ADRA1B: variants seen among roughly 807,000 people sequenced by gnomAD.
ADRA1B encodes alpha-1B adrenergic receptor.
A neutral mutation model predicts 17.9 loss-of-function variants in ADRA1B; 17 were observed. The observed-to-expected ratio is 0.95, with a 90% confidence interval of 0.65 to 1.42. The LOEUF is 1.42. ADRA1B is among the 40% of genes most tolerant of loss of function. The pLI, the probability that ADRA1B is intolerant of heterozygous loss-of-function variation, is 0.00. For synonymous variants in ADRA1B, 366 were observed against 327.6 expected (o/e 1.12, Z -1.27); for missense variants, 681 against 722.1 (o/e 0.94, Z 0.65).
intron 1 of ADRA1B, among the ~76,000 whole-genome samples, chr5:159,949,791 T>C (rs1755375029): frequency 6.6e-6 from 1 of 152,184 alleles, no homozygotes; most frequent in Non-Finnish European, 1.5e-5. Context: ...CTGCCTCCAT[T>C]TGTGCACTTC....
rs187330559 is a variant in ADRA1B at position 159,877,446 on chromosome 5, C to T, written c.-256+12240C>T. ...TTGGGTGCAACAGCACATCAGTTGG[C>T]AAATGTCAAAAACCGAGAAAATAAT... is the stretch of plus-strand genomic sequence containing the variant. On this transcript the variant is annotated intron_variant, in intron 1 of 2. Coordinates refer to the ADRA1B transcript ENST00000641205. Among the ~76,000 whole-genome samples, 492 of 152,264 alleles carry T rather than the reference C, an allele frequency of 3.2e-3. 2 individuals are homozygous for T. Among genetic ancestry groups the T allele is most frequent in the African/African-American group, 0.011 (466 of 41,552 alleles).
chr5:159,886,658 G>A (rs1416265375), intron 1 of ADRA1B, among the ~76,000 whole-genome samples: 1 of 152,200 alleles, frequency 6.6e-6, no homozygotes, highest in Non-Finnish European at 1.5e-5. Flanking sequence ...CCATGAGCAA[G>A]GGGACATATT....
intron 1 of ADRA1B, among the ~76,000 whole-genome samples, chr5:159,904,303 A>C (rs1754135322): frequency 1.3e-5 from 2 of 152,228 alleles, no homozygotes; most frequent in African/African-American, 4.8e-5. Context: ...GGAAAGGGCT[A>C]CACAACTTCT....
At chr5:159,915,412 G>T (rs1252193718), upstream of ADRA1B, among the ~76,000 whole-genome samples, 1 of 152,152 alleles carries the variant, frequency 6.6e-6, no homozygotes, top group Non-Finnish European at 1.5e-5. Context: ...ATAAATGTTG[G>T]ATAAATGTGA....
chr5:159,944,968 G>T (rs1755228027), intron 1 of ADRA1B, among the ~76,000 whole-genome samples: 1 of 152,192 alleles, frequency 6.6e-6, no homozygotes, highest in Admixed American at 6.5e-5. Flanking sequence ...TCAGATAATT[G>T]CAGGTACTAT....
chr5:159,906,580 G>C (rs1268517884), intron 1 of ADRA1B, among the ~76,000 whole-genome samples: 3 of 152,214 alleles, frequency 2.0e-5, no homozygotes, highest in Non-Finnish European at 2.9e-5. Context: ...GCTTGCTCTA[G>C]ATGACTTTTA....
downstream of ADRA1B, among the ~76,000 whole-genome samples, chr5:159,973,475 G>A (rs1379545975): frequency 1.8e-4 from 27 of 152,104 alleles, no homozygotes; most frequent in Admixed American, 1.7e-3. Context: ...CAGAGAGAGG[G>A]GCTGGTTCCC....
downstream of ADRA1B, among the ~76,000 whole-genome samples, chr5:159,975,546 C>T (rs1010012270): frequency 6.6e-6 from 1 of 152,206 alleles, no homozygotes; most frequent in Admixed American, 6.5e-5. Flanking sequence ...AGCCACAAGG[C>T]ACCAAAGGCA....
At chr5:159,909,549 G>A (rs761742792) in intron 1 of ADRA1B, among the ~76,000 whole-genome samples, 1 of 152,212 alleles carries the variant, frequency 6.6e-6, no homozygotes, top group Admixed American at 6.5e-5. Context: ...CTTGAGATTT[G>A]TGTCATGTAT....
chr5:159,937,157 T>C (rs906231987), intron 1 of ADRA1B, among the ~76,000 whole-genome samples: 24 of 152,220 alleles, frequency 1.6e-4, no homozygotes, highest in African/African-American at 5.3e-4. Flanking sequence ...GTTCCCTGTA[T>C]GTGTATTTCC....
chr5:159,866,485 G>A (rs1481168709), intron 1 of ADRA1B, among the ~76,000 whole-genome samples: 1 of 151,718 alleles, frequency 6.6e-6, no homozygotes, highest in African/African-American at 2.4e-5. Context: ...TACTCTGGAG[G>A]CTGAGGCAGG....
At chr5:159,904,246 A>G (rs1754134024) in intron 1 of ADRA1B, among the ~76,000 whole-genome samples, 1 of 152,218 alleles carries the variant, frequency 6.6e-6, no homozygotes, top group African/African-American at 2.4e-5. Context: ...CTGAGTGACC[A>G]TGGTCAAGTA....
At chr5:159,947,940 C>A (rs1755322141) in intron 1 of ADRA1B, 1 of 985,452 alleles carries the variant, frequency 1.0e-6, no homozygotes, top group Non-Finnish European at 1.2e-6. Context: ...CTCTTCCAAG[C>A]TCCAGCTGTC....
intron 1 of ADRA1B, among the ~76,000 whole-genome samples, chr5:159,887,612 C>T (rs910935433): frequency 6.6e-6 from 1 of 152,168 alleles, no homozygotes; most frequent in Non-Finnish European, 1.5e-5. Flanking sequence ...TTTAGACTAC[C>T]GTTTGAGCAA....
chr5:159,955,194 CT>C lies in ADRA1B; in HGVS notation c.950-16684del, dbSNP rs1046465275. On this transcript the variant is annotated intron_variant, in intron 1 of 1. Transcript: ENST00000306675. ...AGATGGTGTACCAGCGTCATTCACT[CT>C]GTATTGGAGAAGTCCTGAGGGCTGC... 6 of 985,256 alleles carry C rather than the reference CT, an allele frequency of 6.1e-6. No individual in the cohort carries two copies. The Admixed American group carries it at 2.5e-4, about 40-fold the overall frequency. 61.0% of individuals were successfully genotyped at this position (985,256 alleles called of 1,614,324 possible). A position where few individuals can be genotyped will look rare whatever the true frequency, so the allele number is the denominator to read the frequency against.
intron 1 of ADRA1B, chr5:159,869,112 C>A (rs1360073926): frequency 6.6e-6 from 1 of 152,172 alleles, no homozygotes; most frequent in Non-Finnish European, 1.5e-5. Context: ...TAATTTTCAA[C>A]TACAAAGTAA....
At chr5:159,914,596 T>C (rs528483367), upstream of ADRA1B, among the ~76,000 whole-genome samples, 4 of 152,348 alleles carry the variant, frequency 2.6e-5, no homozygotes, top group Admixed American at 2.0e-4. Flanking sequence ...GGAAACCCCC[T>C]GAAATTGTGT....
At chr5:159,964,442 T>C (rs148094365) in intron 1 of ADRA1B, among the ~76,000 whole-genome samples, 31 of 152,348 alleles carry the variant, frequency 2.0e-4, no homozygotes, top group African/African-American at 6.5e-4. Flanking sequence ...TTATTTATAG[T>C]AAATGATGCA....
intron 1 of ADRA1B, among the ~76,000 whole-genome samples, chr5:159,946,359 G>T (rs1755272634): frequency 1.3e-5 from 2 of 152,160 alleles, no homozygotes; most frequent in South Asian, 4.1e-4. Flanking sequence ...AGTATGACAT[G>T]CATACAGAAA....
Sources: allele counts gnomAD v4.1 joint callset (sites outside exome capture counted in the v4.1 genomes callset), GRCh38; gene constraint gnomAD v4.1.1; transcripts MANE v1.5; gene names NCBI Gene and HGNC (gene_info 2026-07-23, HGNC 2026-07-21).